Variants in UGGT1 observed in about 807,000 individuals in gnomAD.
UGGT1 encodes the protein UDP-glucose glycoprotein glucosyltransferase 1, also known as UDP-glucose:glycoprotein glucosyltransferase 1.
In UGGT1, 107 loss-of-function variants were observed where a neutral mutation model predicts 203.9. The observed-to-expected ratio is 0.52, with a 90% CI of 0.45 to 0.62. The LOEUF (loss-of-function observed/expected upper bound fraction) is 0.62. Ranked by LOEUF, UGGT1 falls within the 20% of genes least tolerant of loss-of-function variation. The pLI, the probability that UGGT1 is intolerant of heterozygous loss-of-function variation, is 0.00. For synonymous variants in UGGT1, 628 were observed against 653.5 expected (o/e 0.96, Z 0.59); for missense variants, 1,673 against 1,867.2 (o/e 0.90, Z 1.92).
At position 128,129,131 on chromosome 2, in the gene UGGT1, G is replaced by T. The variant is rs758661619; in HGVS notation, c.1329G>T (p.Gln443His). ...ATAATGTTTTGAAGCTGAACATCCA[G>T]CCCTCTGAGGCAGACTATGCCGTAG... The part of the protein sequence containing the change: ...SLHNVLKLNI[Q>H]PSEADYAVDI... The change falls in exon 13 of 41, where the codon CAG (glutamine) becomes CAT (histidine). Residue 443 changes from glutamine (Q) to histidine (H), a missense_variant. Gln to His is a conservative substitution (Grantham distance 24). Transcript: ENST00000259253. 6.2e-7 allele frequency: 1 copy of T among 1,614,024 alleles called. No homozygotes were observed. Among genetic ancestry groups the T allele is most frequent in the Non-Finnish European group, 8.5e-7 (1 of 1,180,006 alleles).
intron 34 of UGGT1, 130 bp from the exon 35 acceptor site, chr2:128,179,656 C>T (rs944899982): frequency 2.9e-6 from 2 of 686,030 alleles, no homozygotes; most frequent in African/African-American, 3.7e-5. Context: ...GAGCGTCTCC[C>T]TCGGCCTAAT....
intron 38 of UGGT1, among the ~76,000 whole-genome samples, chr2:128,184,939 C>T (rs1279081040): frequency 6.6e-6 from 1 of 152,100 alleles, no homozygotes; most frequent in East Asian, 1.9e-4. Context: ...GCTTTGGCCT[C>T]CCAAAGTGCC....
intron 13 of UGGT1, among the ~76,000 whole-genome samples, chr2:128,132,706 G>T (rs12692075): frequency 0.9 from 136,578 of 152,192 alleles, 62,133 homozygotes; most frequent in Non-Finnish European, 0.98. Context: ...CTCGATCTTT[G>T]TATCTTTTTT....
chr2:128,141,771 A>G (rs992055604), intron 16 of UGGT1, among the ~76,000 whole-genome samples: 1 of 151,260 alleles, frequency 6.6e-6, no homozygotes, highest in African/African-American at 2.4e-5. Context: ...AGATGGTGCC[A>G]TTGCACTCCA....
Position 128,181,150 on chromosome 2 carries a change from A to G in UGGT1, c.4083+78A>G, listed in dbSNP as rs772738457. 7.2e-6 allele frequency: 10 copies of G among 1,383,540 alleles called. No individual in the cohort carries two copies. The African/African-American group carries it at 7.2e-5, about 10-fold the overall frequency. The allele number at this position is 1,383,540 out of a possible 1,614,324, so 85.7% of individuals were successfully genotyped here. ...CTTCTTTTTAAATGCTATTTTTTCC[A>G]CTTATGGAAAAGGACATGCTTATTT... On this transcript the variant is annotated intron_variant, in intron 36 of 40. Coordinates refer to ENST00000259253, the MANE Select transcript of UGGT1 (RefSeq NM_020120.4).
intron 39 of UGGT1, 175 bp from the exon 40 acceptor site, chr2:128,187,274 T>C (rs1692027989): frequency 3.5e-6 from 2 of 569,044 alleles, no homozygotes; most frequent in East Asian, 6.7e-5. Context: ...ACATTCTTTG[T>C]AGATGTAAAT....
intron 32 of UGGT1, 61 bp downstream of exon 32, chr2:128,176,959 T>C (rs1005210734): frequency 6.7e-7 from 1 of 1,502,318 alleles, no homozygotes; most frequent in Non-Finnish European, 9.2e-7. Context: ...AAAATATGTA[T>C]CTTGGAACCA....
At chr2:128,117,985 TGTGTGTGTGAGA>T (rs1403855127) in intron 8 of UGGT1, among the ~76,000 whole-genome samples, 104 of 144,566 alleles carry the variant, frequency 7.2e-4, no homozygotes, top group Admixed American at 2.4e-3. Context: ...TGTCTGTGTG[TGTGTGTGTGAGA>T]GAGAGAGAGA....
intron 33 of UGGT1, 53 bp from the exon 34 acceptor site, chr2:128,178,414 CG>C: frequency 7.0e-7 from 1 of 1,423,794 alleles, no homozygotes; most frequent in Non-Finnish European, 9.7e-7. Flanking sequence ...TTTCAAAGGC[CG>C]TGTGTCTGTA....
chr2:128,102,718 G>A (rs1051045473), intron 2 of UGGT1, among the ~76,000 whole-genome samples: 1 of 152,098 alleles, frequency 6.6e-6, no homozygotes, highest in African/African-American at 2.4e-5. Flanking sequence ...GTATTTATTC[G>A]TGTGTGGCCT....
intron 23 of UGGT1, 116 bp downstream of exon 23, chr2:128,159,836 A>C: frequency 6.3e-6 from 7 of 1,108,754 alleles, no homozygotes; most frequent in Non-Finnish European, 7.6e-6. Context: ...CCTGAGTCTC[A>C]GGGAATTTTT....
intron 3 of UGGT1, 133 bp from the exon 4 acceptor site, chr2:128,107,805 G>C (rs1352687173): frequency 5.0e-6 from 6 of 1,206,514 alleles, no homozygotes; most frequent in African/African-American, 4.6e-5. Context: ...CATTTGTTGA[G>C]AGTTCAAGAC....
chr2:128,154,483 A>G (rs893272825), intron 19 of UGGT1, among the ~76,000 whole-genome samples: 2 of 152,142 alleles, frequency 1.3e-5, no homozygotes, highest in East Asian at 3.9e-4. Context: ...TGGTGGTGGC[A>G]TTGTCACTCA....
chr2:128,143,038 C>G, intron 16 of UGGT1, 56 bp from the exon 17 acceptor site: 1 of 1,450,268 alleles, frequency 6.9e-7, no homozygotes, highest in Non-Finnish European at 9.2e-7. Flanking sequence ...GTGGAATAAA[C>G]ACTTTGAAAT....
chr2:128,117,909 T>C (rs909860074), intron 8 of UGGT1, among the ~76,000 whole-genome samples: 1 of 151,826 alleles, frequency 6.6e-6, no homozygotes, highest in South Asian at 2.1e-4. Context: ...GGCTTGATAA[T>C]TGTTTAGAGC....
intron 16 of UGGT1, among the ~76,000 whole-genome samples, chr2:128,141,953 CTT>C (rs559615031): frequency 1.1e-4 from 17 of 151,688 alleles, no homozygotes; most frequent in African/African-American, 4.1e-4. Context: ...AGATTTTTCT[CTT>C]TTTTTTGAGA....
chr2:128,134,106 G>A (rs886267688), intron 14 of UGGT1, among the ~76,000 whole-genome samples: 11 of 152,070 alleles, frequency 7.2e-5, no homozygotes, highest in Admixed American at 1.3e-4. Flanking sequence ...GCAGGATCTC[G>A]GCTCACTGCA....
Position 128,091,427 on chromosome 2 carries a change from T to A in UGGT1, c.58+12T>A. 1 of 1,577,160 alleles carries A rather than the reference T, an allele frequency of 6.3e-7. No individual in the cohort carries two copies. Among genetic ancestry groups the A allele is most frequent in the Non-Finnish European group, 8.6e-7 (1 of 1,161,408 alleles). ...GCTGCCGGTGACAGGTACCCAGGGGTGGCGTGAGGAGGCCTCGTGGACAAA... is the reference window on the plus strand; with the variant it reads ...GCTGCCGGTGACAGGTACCCAGGGGAGGCGTGAGGAGGCCTCGTGGACAAA... On this transcript the variant is annotated intron_variant, in intron 1 of 40. Coordinates refer to ENST00000259253, the MANE Select transcript of UGGT1 (RefSeq NM_020120.4).
intron 6 of UGGT1, among the ~76,000 whole-genome samples, chr2:128,113,474 A>G (rs1021179734): frequency 6.6e-6 from 1 of 152,232 alleles, no homozygotes; most frequent in Admixed American, 6.5e-5. Flanking sequence ...AAGTAGCTCG[A>G]TAAAGTTTAC....
Sources: gnomAD v4.1 joint callset for allele counts (sites outside exome capture counted in the v4.1 genomes callset) on GRCh38, gnomAD v4.1.1 for gene constraint, MANE v1.5 for transcripts, NCBI Gene and HGNC (gene_info 2026-07-23, HGNC 2026-07-21) for gene names.